The following CNTNAP3B variants were observed in gnomAD, a reference collection of about 807,000 sequenced individuals.
The protein encoded by CNTNAP3B is contactin associated protein family member 3B, also known as contactin-associated protein-like 3B.
Under a neutral mutation model 108.9 loss-of-function variants are expected in CNTNAP3B, and 25 were observed. The ratio of observed to expected loss-of-function variants is 0.23; its 90% CI spans 0.17 to 0.32. CNTNAP3B has a LOEUF of 0.32. Ranked by LOEUF, CNTNAP3B falls within the 10% of genes least tolerant of loss-of-function variation. The probability of loss-of-function intolerance (pLI) is 1.00; values close to 1 mark genes in which losing one functional copy is unlikely to be tolerated. For missense variants in CNTNAP3B, 252 were observed against 1,210.4 expected (o/e 0.21, Z 11.75); for synonymous variants, 103 against 473.4 (o/e 0.22, Z 10.16).
chr9:42,070,720 T>C (rs1827357382), intron 3 of CNTNAP3B, among the ~76,000 whole-genome samples: 1 of 152,166 alleles, frequency 6.6e-6, no homozygotes, highest in South Asian at 2.1e-4. Flanking sequence ...CTGGGCTCAG[T>C]GCTGATCGGC....
intron 3 of CNTNAP3B, among the ~76,000 whole-genome samples, chr9:42,037,522 G>A (rs1469332383): frequency 1.6e-5 from 2 of 128,214 alleles, no homozygotes; most frequent in Non-Finnish European, 3.2e-5. Flanking sequence ...CTGGAAGAAA[G>A]GGTATCAGTG....
At chr9:41,970,941 A>T (rs1393749883) in intron 9 of CNTNAP3B, among the ~76,000 whole-genome samples, 5 of 150,846 alleles carry the variant, frequency 3.3e-5, no homozygotes, top group African/African-American at 1.2e-4. Flanking sequence ...TAGGGTACAT[A>T]AGGATAAAAA....
Position 42,104,672 on chromosome 9 carries a change from G to T in CNTNAP3B, c.153C>A (p.Ser51=). The T allele has an allele frequency of 8.1e-7, 1 of 1,235,084 alleles. No homozygotes were observed. Among genetic ancestry groups the T allele is most frequent in the Non-Finnish European group, 1.1e-6 (1 of 903,186 alleles). The allele number at this position is 1,235,084 out of a possible 1,614,324, so 76.5% of individuals were successfully genotyped here. A position where few individuals can be genotyped will look rare whatever the true frequency, so the allele number is the denominator to read the frequency against. Reference sequence around the variant, plus strand: ...TTGAAAACCCCGGGCCGTGGCTGCTGGACAGCTCTGAGGAGCTGCTGAAGG... The same window carrying T: ...TTGAAAACCCCGGGCCGTGGCTGCTTGACAGCTCTGAGGAGCTGCTGAAGG... The part of the protein sequence containing the change: ...RSSFSSSSEL[S]SSHGPGFSRL... Residue 51 remains serine, a synonymous_variant, in exon 2 of 24, where the codon TCC becomes TCA. Transcript: ENST00000377561.
rs1227653881 is a variant in CNTNAP3B, at chr9:41,942,340, G to A, written c.2081-3940C>T. Among the ~76,000 whole-genome samples the A allele has an allele frequency of 2.0e-5, 3 of 152,296 alleles. No homozygotes were observed. In the South Asian group the frequency reaches 6.2e-4, roughly 31 times the overall value. ...AATACAAAAAATTGGGTCGGGTGAG[G>A]TGGCTCAAGCCTGTAATCCCAGCAT... On this transcript the variant is annotated intron_variant, in intron 13 of 23. Transcript: ENST00000377561.
At chr9:41,921,324 T>C (rs1269143191) in intron 17 of CNTNAP3B, among the ~76,000 whole-genome samples, 10 of 152,372 alleles carry the variant, frequency 6.6e-5, no homozygotes, top group African/African-American at 2.2e-4. Flanking sequence ...GATGGTTTCA[T>C]GTCCTTTGAA....
chr9:41,934,715 T>G (rs1297443817), intron 14 of CNTNAP3B, among the ~76,000 whole-genome samples: 1 of 152,298 alleles, frequency 6.6e-6, no homozygotes, highest in Admixed American at 6.5e-5. Context: ...TTCTTTTAGT[T>G]TCAACTTCAC....
At chr9:41,940,504 C>A (rs571128452) in intron 13 of CNTNAP3B, among the ~76,000 whole-genome samples, 1 of 147,826 alleles carries the variant, frequency 6.8e-6, no homozygotes, top group African/African-American at 2.5e-5. Context: ...AGAAACTATC[C>A]TTCAAGAATA....
Position 41,999,516 on chromosome 9 carries a change from A to ACT in CNTNAP3B, c.539-914_539-913dup, listed in dbSNP as rs1190336104. Among the ~76,000 whole-genome samples the ACT allele has an allele frequency of 1.7e-4, 18 of 105,088 alleles. 1 individual carries two copies. The highest frequency in any genetic ancestry group is 5.8e-4 in the East Asian group (2 of 3,428). The allele number at this position is 105,088 out of a possible 152,430, so 68.9% of individuals were successfully genotyped here. A position where few individuals can be genotyped will look rare whatever the true frequency, so the allele number is the denominator to read the frequency against. On this transcript the variant is annotated intron_variant, in intron 4 of 23. Transcript: ENST00000377561. ...CAATCAGGTAAGCCAATTCCTTAAAACTCTCTCTCTCTCTCTACACACACA... is the reference window on the plus strand; with the variant it reads ...CAATCAGGTAAGCCAATTCCTTAAAACTCTCTCTCTCTCTCTCTACACACACA...
intron 15 of CNTNAP3B, among the ~76,000 whole-genome samples, chr9:41,928,682 G>C (rs1167608557): frequency 1.3e-5 from 2 of 152,020 alleles, no homozygotes; most frequent in Admixed American, 6.6e-5. Context: ...ACTTCTCCAC[G>C]GCAATGTATG....
chr9:41,984,029 G>C, intron 9 of CNTNAP3B, among the ~76,000 whole-genome samples: 1 of 92,864 alleles, frequency 1.1e-5, no homozygotes, highest in Middle Eastern at 5.5e-3. Context: ...CCAGCCTGGG[G>C]GACACAGCGA....
intron 2 of CNTNAP3B, among the ~76,000 whole-genome samples, chr9:42,103,187 C>T (rs1828030471): frequency 3.6e-5 from 5 of 137,952 alleles, no homozygotes; most frequent in Non-Finnish European, 3.1e-5. Context: ...TAATGACCAT[C>T]CACTGAGGCT....
At chr9:42,120,003 C>T (rs1156903296) in intron 1 of CNTNAP3B, among the ~76,000 whole-genome samples, 1 of 147,014 alleles carries the variant, frequency 6.8e-6, no homozygotes, top group Non-Finnish European at 1.5e-5. Context: ...AGAGCTTCTA[C>T]AGAGCAAAAG....
Position 42,116,850 on chromosome 9 carries a change from C to CA in CNTNAP3B, c.86-12112dup, listed in dbSNP as rs561281257. ...GAAGGTCTGCCAAGCAAAGGGAAAA[C>CA]AAAAAAAAAGCAGGGGTTGGAATCC... On this transcript the variant is annotated intron_variant, in intron 1 of 23. Coordinates refer to ENST00000377561, the MANE Select transcript of CNTNAP3B (RefSeq NM_001201380.3). Among the ~76,000 whole-genome samples the CA allele has an allele frequency of 8.5e-3, 1,125 of 132,306 alleles. 209 individuals are homozygous for CA. Among genetic ancestry groups the CA allele is most frequent in the African/African-American group, 0.031 (1,030 of 32,848 alleles). 86.8% of individuals were successfully genotyped at this position (132,306 alleles called of 152,430 possible). A position where few individuals can be genotyped will look rare whatever the true frequency, so the allele number is the denominator to read the frequency against.
At chr9:41,911,883 AT>A (rs1823424546) in intron 18 of CNTNAP3B, among the ~76,000 whole-genome samples, 1 of 87,332 alleles carries the variant, frequency 1.1e-5, no homozygotes, top group African/African-American at 5.1e-5. Flanking sequence ...TTTCTCTTTT[AT>A]TTTTTGGAAG....
intron 8 of CNTNAP3B, among the ~76,000 whole-genome samples, chr9:41,990,637 G>A (rs1483404024): frequency 3.8e-5 from 5 of 132,582 alleles, no homozygotes; most frequent in East Asian, 2.3e-4. Context: ...CAGCCTCTTC[G>A]TCTGTGCCTT....
In CNTNAP3B at chr9:41,960,273, C is replaced by T. The variant is rs1825036944; in HGVS notation, c.1876+500G>A. The T allele has an allele frequency of 1.8e-5, 3 of 168,144 alleles. No homozygotes were observed. In the South Asian group the frequency reaches 4.2e-4, roughly 24 times the overall value. 10.4% of individuals were successfully genotyped at this position (168,144 alleles called of 1,614,324 possible). A position where few individuals can be genotyped will look rare whatever the true frequency, so the allele number is the denominator to read the frequency against. ...TTGGCCTCCCAAAGTGCTGAGATTA[C>T]AGGCGTGAGCCACCATGCGCAGCCC... is the stretch of plus-strand genomic sequence containing the variant. On this transcript the variant is annotated intron_variant, in intron 12 of 23. Transcript: ENST00000377561.
At chr9:42,117,838 A>T (rs1343113844) in intron 1 of CNTNAP3B, among the ~76,000 whole-genome samples, 1 of 138,786 alleles carries the variant, frequency 7.2e-6, no homozygotes, top group Non-Finnish European at 1.5e-5. Flanking sequence ...AAAATGACAA[A>T]GGGGATATCA....
intron 3 of CNTNAP3B, among the ~76,000 whole-genome samples, chr9:42,026,566 C>T (rs1826411968): frequency 1.1e-5 from 1 of 92,120 alleles, no homozygotes; most frequent in Non-Finnish European, 2.3e-5. Context: ...CACTCCAGCC[C>T]GGGCGACAGA....
chr9:42,123,815 T>C (rs890507633), intron 1 of CNTNAP3B, among the ~76,000 whole-genome samples: 1 of 131,724 alleles, frequency 7.6e-6, no homozygotes, highest in Non-Finnish European at 1.6e-5. Flanking sequence ...TATTCAAAAC[T>C]CCGTAAAGCA....
Sources: allele counts gnomAD v4.1 joint callset (sites outside exome capture counted in the v4.1 genomes callset), GRCh38; gene constraint gnomAD v4.1.1; transcripts MANE v1.5; gene names NCBI Gene and HGNC (gene_info 2026-07-23, HGNC 2026-07-21).